The following CA8 variants were observed in gnomAD, a reference collection of about 807,000 sequenced individuals.
CA8 encodes the protein carbonic anhydrase-related protein.
Under a neutral mutation model 41.4 loss-of-function variants are expected in CA8, and 22 were observed. The observed-to-expected ratio is 0.53, with a 90% CI of 0.38 to 0.76. The LOEUF (loss-of-function observed/expected upper bound fraction) is 0.76, where lower values mean the gene tolerates loss of function less well. CA8 is among the 30% of genes least tolerant of loss of function. CA8 has a pLI of 0.00. For synonymous variants in CA8, 121 were observed against 130.6 expected, an observed-to-expected ratio of 0.93 and a Z score of 0.50; for missense variants, 270 against 352.8, an observed-to-expected ratio of 0.77 and a Z score of 1.88.
At position 60,186,517 on chromosome 8, in the gene CA8, G is replaced by A. The variant is rs2326515; in HGVS notation, c.*3504C>T. Among the ~76,000 whole-genome samples, 66,163 of 151,186 alleles carry A rather than the reference G, an allele frequency of 0.44. 14,938 individuals carry two copies. The highest frequency in any genetic ancestry group is 0.54 in the African/African-American group (22,441 of 41,318). On this transcript the variant is annotated 3_prime_UTR_variant, in exon 9 of 9. Coordinates refer to ENST00000317995, the MANE Select transcript of CA8 (RefSeq NM_004056.6). Reference sequence around the variant, plus strand: ...AACAACAAAAAGATACAAGACATGTGGAAAACAAAAAGTAAAATGGCAGAC... The same window carrying A: ...AACAACAAAAAGATACAAGACATGTAGAAAACAAAAAGTAAAATGGCAGAC...
At chr8:60,277,808 T>C (rs1349488857) in intron 2 of CA8, among the ~76,000 whole-genome samples, 1 of 152,208 alleles carries the variant, frequency 6.6e-6, no homozygotes, top group Non-Finnish European at 1.5e-5. Context: ...GTTATTTTGG[T>C]TACTTTTCTT....
intron 8 of CA8, among the ~76,000 whole-genome samples, chr8:60,192,755 T>C (rs1806165941): frequency 1.3e-5 from 2 of 152,196 alleles, no homozygotes; most frequent in Non-Finnish European, 2.9e-5. Context: ...TATGAAACTA[T>C]CAGTCCCTTG....
intron 3 of CA8, among the ~76,000 whole-genome samples, chr8:60,248,327 A>T (rs2130543006): frequency 6.6e-6 from 1 of 152,328 alleles, no homozygotes; most frequent in East Asian, 1.9e-4. Flanking sequence ...ATCTTTGCCC[A>T]TGCCTATGTC....
intron 4 of CA8, among the ~76,000 whole-genome samples, chr8:60,230,628 T>C (rs1807615662): frequency 6.6e-6 from 1 of 151,856 alleles, no homozygotes; most frequent in Non-Finnish European, 1.5e-5. Flanking sequence ...TCCTGAAATT[T>C]TGCTCTCAGT....
At chr8:60,203,429 A>T (rs191627093) in intron 8 of CA8, among the ~76,000 whole-genome samples, 17 of 152,318 alleles carry the variant, frequency 1.1e-4, no homozygotes, top group Non-Finnish European at 2.2e-4. Context: ...TAAAGTTTCA[A>T]TTCCTTAACC....
intron 5 of CA8, among the ~76,000 whole-genome samples, chr8:60,226,282 C>G (rs1362747293): frequency 6.7e-6 from 1 of 148,660 alleles, no homozygotes; most frequent in Non-Finnish European, 1.5e-5. Context: ...GATATAACCT[C>G]TGAGCTTGGA....
At chr8:60,247,165 G>A (rs958367983) in intron 3 of CA8, among the ~76,000 whole-genome samples, 1 of 152,110 alleles carries the variant, frequency 6.6e-6, no homozygotes, top group Non-Finnish European at 1.5e-5. Context: ...TTACAGGCGT[G>A]AGCCACCACG....
intron 3 of CA8, among the ~76,000 whole-genome samples, chr8:60,246,378 C>G (rs1442782958): frequency 6.6e-6 from 1 of 152,146 alleles, no homozygotes; most frequent in African/African-American, 2.4e-5. Flanking sequence ...CTGTAACCCC[C>G]ACATCTCGGG....
At chr8:60,268,795 A>T (rs988719294) in intron 2 of CA8, among the ~76,000 whole-genome samples, 5 of 152,132 alleles carry the variant, frequency 3.3e-5, no homozygotes, top group African/African-American at 9.7e-5. Flanking sequence ...ATTTATCAAG[A>T]TCATATTTTT....
chr8:60,217,727 C>T (rs375846483), intron 7 of CA8, among the ~76,000 whole-genome samples: 6 of 152,172 alleles, frequency 3.9e-5, no homozygotes, highest in East Asian at 3.9e-4. Flanking sequence ...CTTACACTTG[C>T]CAGTCAACCA....
intron 3 of CA8, among the ~76,000 whole-genome samples, chr8:60,257,899 C>G (rs533024701): frequency 6.6e-6 from 1 of 152,242 alleles, no homozygotes; most frequent in Non-Finnish European, 1.5e-5. Flanking sequence ...ACTGCACAGG[C>G]AGGTTAGGTG....
intron 8 of CA8, among the ~76,000 whole-genome samples, chr8:60,202,928 A>G (rs930336514): frequency 1.3e-5 from 2 of 152,228 alleles, no homozygotes; most frequent in Non-Finnish European, 2.9e-5. Context: ...TGCTTAATGA[A>G]GTATGTTACA....
chr8:60,272,741 A>G (rs1270825120), intron 2 of CA8, among the ~76,000 whole-genome samples: 1 of 152,204 alleles, frequency 6.6e-6, no homozygotes, highest in Non-Finnish European at 1.5e-5. Context: ...ATGACCTACC[A>G]TTGTATCCTC....
In CA8 at chr8:60,240,014, A is replaced by C. The variant is rs547671994; in HGVS notation, c.418-7635T>G. On this transcript the variant is annotated intron_variant, in intron 3 of 8. Coordinates refer to ENST00000317995, the MANE Select transcript of CA8 (RefSeq NM_004056.6). ...TTTATCAGCAGCATGAAAACAGACT[A>C]ATACATGGATCAAGTCTTGAGAGAA... Among the ~76,000 whole-genome samples the C allele has an allele frequency of 2.6e-5, 4 of 152,338 alleles. No homozygotes were observed. In the East Asian group the frequency reaches 7.7e-4, roughly 29 times the overall value.
intron 3 of CA8, among the ~76,000 whole-genome samples, chr8:60,246,610 T>C (rs953005474): frequency 6.6e-6 from 1 of 152,196 alleles, no homozygotes; most frequent in Non-Finnish European, 1.5e-5. Context: ...ACATTTGTGA[T>C]AGAAATAATA....
Position 60,212,163 on chromosome 8 carries a change from C to A in CA8, c.739-3244G>T, listed in dbSNP as rs182426220. Among the ~76,000 whole-genome samples the A allele has an allele frequency of 3.3e-5, 5 of 152,302 alleles. No individual in the cohort carries two copies. The East Asian group carries it at 9.6e-4, about 29-fold the overall frequency. Reference sequence around the variant, plus strand: ...GCCACTGTTCTTTGAACGACAGGTGCACTCCAATTGGTCTAAGACATTTAT... The same window carrying A: ...GCCACTGTTCTTTGAACGACAGGTGAACTCCAATTGGTCTAAGACATTTAT... On this transcript the variant is annotated intron_variant, in intron 7 of 8. Coordinates refer to ENST00000317995, the MANE Select transcript of CA8 (RefSeq NM_004056.6).
chr8:60,205,713 T>A (rs1297867859), intron 8 of CA8, among the ~76,000 whole-genome samples: 32 of 152,196 alleles, frequency 2.1e-4, no homozygotes, highest in Non-Finnish European at 2.9e-5. Context: ...CTCATGGGAA[T>A]AATAAAGCTT....
intron 3 of CA8, among the ~76,000 whole-genome samples, chr8:60,234,857 G>A (rs1415568012): frequency 6.6e-6 from 1 of 152,148 alleles, no homozygotes; most frequent in Non-Finnish European, 1.5e-5. Context: ...TTCTCTTGAA[G>A]GTCCTTTCTC....
intron 8 of CA8, among the ~76,000 whole-genome samples, chr8:60,192,883 A>G (rs140045147): frequency 6.8e-6 from 1 of 147,752 alleles, no homozygotes; most frequent in South Asian, 2.2e-4. Flanking sequence ...ATTATGTATA[A>G]ATTTTTCCTA....
Sources: gnomAD v4.1 joint callset for allele counts (sites outside exome capture counted in the v4.1 genomes callset) on GRCh38, gnomAD v4.1.1 for gene constraint, MANE v1.5 for transcripts, NCBI Gene and HGNC (gene_info 2026-07-23, HGNC 2026-07-21) for gene names.